The following SENP5 variants were observed in gnomAD, a reference collection of about 807,000 sequenced individuals.
SENP5 encodes sentrin-specific protease 5.
SENP5 carries 21 observed loss-of-function variants against 74.2 expected under a neutral mutation model. The observed-to-expected ratio is 0.28, with a 90% CI of 0.20 to 0.41. The LOEUF (loss-of-function observed/expected upper bound fraction) is 0.41. Among genes scored for constraint, SENP5 ranks in the 10% least tolerant of loss-of-function variants. SENP5 has a pLI of 1.00. For missense variants in SENP5, 717 were observed against 889.1 expected (o/e 0.81, Z 2.46); for synonymous variants, 311 against 312.7 (o/e 0.99, Z 0.06).
intron 2 of SENP5, among the ~76,000 whole-genome samples, chr3:196,887,138 G>C (rs1300168942): frequency 6.6e-6 from 1 of 152,040 alleles, no homozygotes; most frequent in African/African-American, 2.4e-5. Flanking sequence ...ATCTGTTTCT[G>C]TGTTTATTGG....
intron 9 of SENP5, among the ~76,000 whole-genome samples, chr3:196,930,411 A>G (rs1480335606): frequency 6.6e-6 from 1 of 152,202 alleles, no homozygotes; most frequent in Non-Finnish European, 1.5e-5. Flanking sequence ...TCAGTCACCT[A>G]TAATTTGGGT....
chr3:196,876,665 G>A (rs993974905), intron 1 of SENP5, among the ~76,000 whole-genome samples: 2 of 149,988 alleles, frequency 1.3e-5, no homozygotes, highest in Admixed American at 6.7e-5. Context: ...CGGATCACTT[G>A]AGTCCAGGAG....
At chr3:196,896,383 A>G (rs1370127271) in intron 2 of SENP5, among the ~76,000 whole-genome samples, 1 of 152,220 alleles carries the variant, frequency 6.6e-6, no homozygotes, top group African/African-American at 2.4e-5. Flanking sequence ...TAGTTCTACC[A>G]TATGCTAGTT....
chr3:196,904,614 C>G (rs1290999094), intron 6 of SENP5, among the ~76,000 whole-genome samples: 1 of 151,736 alleles, frequency 6.6e-6, no homozygotes, highest in African/African-American at 2.4e-5. Context: ...GTGGCGAAAC[C>G]CTATCTCTAC....
chr3:196,868,580 C>T (rs1455567369), intron 1 of SENP5, among the ~76,000 whole-genome samples: 1 of 152,192 alleles, frequency 6.6e-6, no homozygotes, highest in South Asian at 2.1e-4. Context: ...CTCCGCTCTA[C>T]GCCCTGTGGC....
At chr3:196,907,690 A>T (rs2108844696) in intron 6 of SENP5, among the ~76,000 whole-genome samples, 1 of 152,324 alleles carries the variant, frequency 6.6e-6, no homozygotes, top group East Asian at 1.9e-4. Context: ...CTGGAAGAAG[A>T]AGAGTTGTCT....
intron 2 of SENP5, among the ~76,000 whole-genome samples, chr3:196,888,987 G>A: frequency 6.6e-6 from 1 of 151,938 alleles, no homozygotes; most frequent in Non-Finnish European, 1.5e-5. Context: ...GTGGTGGCAG[G>A]CGCCTGTAGT....
At chr3:196,918,787 A>G (rs936350698) in intron 6 of SENP5, among the ~76,000 whole-genome samples, 2 of 152,154 alleles carry the variant, frequency 1.3e-5, no homozygotes, top group African/African-American at 4.8e-5. Flanking sequence ...CTATAAAGAT[A>G]TACACAGACT....
intron 6 of SENP5, among the ~76,000 whole-genome samples, chr3:196,908,516 A>G (rs1393841009): frequency 6.6e-6 from 1 of 152,154 alleles, no homozygotes; most frequent in African/African-American, 2.4e-5. Flanking sequence ...ACATCCTGAC[A>G]TCACAATTAA....
intron 1 of SENP5, among the ~76,000 whole-genome samples, chr3:196,875,375 G>A (rs1318857683): frequency 2.0e-5 from 3 of 152,138 alleles, no homozygotes; most frequent in African/African-American, 7.2e-5. Context: ...TTCTTCTGCT[G>A]TGGCCTTCTC....
At chr3:196,897,588 C>T (rs1317412456) in intron 2 of SENP5, among the ~76,000 whole-genome samples, 1 of 152,208 alleles carries the variant, frequency 6.6e-6, no homozygotes, top group East Asian at 1.9e-4. Context: ...CTGTCTCTCC[C>T]CTCATAAAAG....
chr3:196,901,813 A>G (rs766973165), intron 5 of SENP5, among the ~76,000 whole-genome samples: 10 of 152,248 alleles, frequency 6.6e-5, no homozygotes, highest in Non-Finnish European at 1.5e-4. Flanking sequence ...CAAGGGTTTC[A>G]TTTACCACCA....
At chr3:196,928,176 C>T (rs1035315413) in intron 8 of SENP5, among the ~76,000 whole-genome samples, 1 of 152,194 alleles carries the variant, frequency 6.6e-6, no homozygotes, top group African/African-American at 2.4e-5. Context: ...CCTCTTGCAT[C>T]ATGGCTCTTA....
chr3:196,870,971 C>A (rs1713189963), intron 1 of SENP5, among the ~76,000 whole-genome samples: 1 of 151,692 alleles, frequency 6.6e-6, no homozygotes. Context: ...AGTTAGAGAA[C>A]AGCCTGGCCA....
At chr3:196,906,204 A>G (rs746379992) in intron 6 of SENP5, among the ~76,000 whole-genome samples, 7 of 152,062 alleles carry the variant, frequency 4.6e-5, no homozygotes, top group Non-Finnish European at 1.0e-4. Context: ...TGGGTGACAG[A>G]GCAAGACTTT....
At chr3:196,881,896 G>GTTTTTT (rs11385462) in intron 1 of SENP5, among the ~76,000 whole-genome samples, 1 of 109,202 alleles carries the variant, frequency 9.2e-6, no homozygotes, top group African/African-American at 3.6e-5. Flanking sequence ...GATAGTATTA[G>GTTTTTT]TTTTTTTTTT....
At chr3:196,899,047 C>T (rs895999182) in intron 2 of SENP5, among the ~76,000 whole-genome samples, 1 of 149,426 alleles carries the variant, frequency 6.7e-6, no homozygotes, top group South Asian at 2.1e-4. Context: ...CCACTGCACT[C>T]CAGCCTGGGC....
At chr3:196,876,988 G>T (rs1463726882) in intron 1 of SENP5, among the ~76,000 whole-genome samples, 1 of 152,042 alleles carries the variant, frequency 6.6e-6, no homozygotes, top group East Asian at 1.9e-4. Flanking sequence ...AATCATATTG[G>T]ACTCTGCCAC....
chr3:196,929,716 T>C (rs1715953597), intron 9 of SENP5, 33 bp downstream of exon 9: 2 of 1,471,232 alleles, frequency 1.4e-6, no homozygotes, highest in Non-Finnish European at 1.9e-6. Context: ...GAACTTACAA[T>C]GTGTGAATTG....
Sources: gnomAD v4.1 joint callset for allele counts (sites outside exome capture counted in the v4.1 genomes callset) on GRCh38, gnomAD v4.1.1 for gene constraint, MANE v1.5 for transcripts, NCBI Gene and HGNC (gene_info 2026-07-23, HGNC 2026-07-21) for gene names.